Variants in KCTD21 observed in about 807,000 individuals in gnomAD.
KCTD21 encodes BTB/POZ domain-containing protein KCTD21.
Under a neutral mutation model 13.2 loss-of-function variants are expected in KCTD21, and 9 were observed. The observed-to-expected ratio is 0.68, with a 90% CI of 0.41 to 1.19. KCTD21 has a LOEUF of 1.19. Ranked by LOEUF, KCTD21 falls within the 50% of genes most tolerant of loss-of-function variation. The probability of loss-of-function intolerance (pLI) is 0.01; values close to 1 mark genes in which losing one functional copy is unlikely to be tolerated. For missense variants in KCTD21, 303 were observed against 336.5 expected, an observed-to-expected ratio of 0.90 and a Z score of 0.78; for synonymous variants, 142 against 137.4, an observed-to-expected ratio of 1.03 and a Z score of -0.23.
intron 1 of KCTD21, among the ~76,000 whole-genome samples, chr11:78,179,205 CTT>C (rs35532425): frequency 6.9e-6 from 1 of 144,776 alleles, no homozygotes; most frequent in Non-Finnish European, 1.5e-5. Flanking sequence ...TTTATTTTTA[CTT>C]TTTTTTTTTT....
chr11:78,172,208 G>C lies in KCTD21; in HGVS notation c.*1564C>G, dbSNP rs1318153479. The C allele has an allele frequency of 6.6e-6, 1 of 152,356 alleles. No individual in the cohort carries two copies. Among genetic ancestry groups the C allele is most frequent in the East Asian group, 1.9e-4 (1 of 5,206 alleles). 9.4% of individuals were successfully genotyped at this position (152,356 alleles called of 1,614,324 possible). On this transcript the variant is annotated 3_prime_UTR_variant, in exon 2 of 2. Transcript: ENST00000340067. ...GGCTCATCACCCGGTGGGAAGCAGT[G>C]CTTGGGTTGCTTGCCCTGGATGGCA...
chr11:78,187,087 A>C, intron 1 of KCTD21: 1 of 985,444 alleles, frequency 1.0e-6, no homozygotes, highest in Non-Finnish European at 1.2e-6. Context: ...TTGGGAGTAA[A>C]TGCAAGGAGA....
rs1862353185 is a variant in KCTD21, at chr11:78,173,731, G to A, written c.*41C>T. The A allele has an allele frequency of 3.9e-6, 6 of 1,548,122 alleles. No homozygotes were observed. The highest frequency in any genetic ancestry group is 1.2e-5 in the South Asian group (1 of 82,920). On this transcript the variant is annotated 3_prime_UTR_variant, in exon 2 of 2. Coordinates refer to ENST00000340067, the MANE Select transcript of KCTD21 (RefSeq NM_001029859.3). ...GCCCTCCAAGACCTGGCTGACATGA[G>A]CTTCCTGGGACTCCCCATCTCCAGT...
intron 1 of KCTD21, among the ~76,000 whole-genome samples, chr11:78,186,371 CAAAAAAAAAAAAAAAAAAA>C (rs57748403): frequency 0.02 from 911 of 45,842 alleles, 21 homozygotes; most frequent in Middle Eastern, 0.1. Flanking sequence ...GACCCTGTCT[CAAAAAAAAAAAAAAAAAAA>C]AAAAAAAAAA....
chr11:78,183,450 C>T (rs1228046371), intron 1 of KCTD21, among the ~76,000 whole-genome samples: 4 of 151,212 alleles, frequency 2.6e-5, no homozygotes, highest in Non-Finnish European at 4.4e-5. Context: ...GCAGGAGAAT[C>T]GCTTGAATCT....
chr11:78,187,025 T>C, intron 1 of KCTD21: 2 of 985,446 alleles, frequency 2.0e-6, no homozygotes, highest in Non-Finnish European at 2.4e-6. Context: ...AAATGCTCTG[T>C]TCAATTTTCA....
intron 1 of KCTD21, among the ~76,000 whole-genome samples, chr11:78,184,642 A>G (rs1862720883): frequency 6.6e-6 from 1 of 152,182 alleles, no homozygotes; most frequent in African/African-American, 2.4e-5. Flanking sequence ...AAGGGGCTCT[A>G]TTTAGATTAA....
chr11:78,184,977 A>G lies in KCTD21; in HGVS notation c.-30+3596T>C, dbSNP rs1339133233. On this transcript the variant is annotated intron_variant, in intron 1 of 1. Coordinates refer to ENST00000340067, the MANE Select transcript of KCTD21 (RefSeq NM_001029859.3). ...GGCCTTGAACTCCTGGGCTCAAGCA[A>G]TCTGTCTGCCTTTGCTTCCCAAAGT... 2.0e-5 allele frequency among the ~76,000 whole-genome samples: 3 copies of G among 152,154 alleles called. No homozygotes were observed. The East Asian group carries it at 5.8e-4, about 29-fold the overall frequency.
In KCTD21 at chr11:78,173,658, A is replaced by G; in HGVS notation, c.*114T>C. On this transcript the variant is annotated 3_prime_UTR_variant, in exon 2 of 2. Transcript: ENST00000340067. ...TGGGGGGAATCAAGTCCTGCTACAC[A>G]ATTAATACAGATTAGTATAGTCCCC... The G allele has an allele frequency of 1.1e-6, 1 of 870,440 alleles. No individual in the cohort carries two copies. The highest frequency in any genetic ancestry group is 2.3e-5 in the Admixed American group (1 of 43,784). 53.9% of individuals were successfully genotyped at this position (870,440 alleles called of 1,614,324 possible).
chr11:78,187,064 C>T, intron 1 of KCTD21: 1 of 985,404 alleles, frequency 1.0e-6, no homozygotes, highest in East Asian at 1.1e-4. Flanking sequence ...TGTGACAAGG[C>T]CGAGGTGATT....
intron 1 of KCTD21, among the ~76,000 whole-genome samples, chr11:78,185,820 G>A (rs1432436738): frequency 1.3e-5 from 2 of 151,982 alleles, no homozygotes. Context: ...TCAAGCTCCT[G>A]ACCTCAAATG....
intron 1 of KCTD21, among the ~76,000 whole-genome samples, chr11:78,179,061 C>T (rs505593): frequency 0.16 from 24,143 of 152,088 alleles, 2,049 homozygotes; most frequent in African/African-American, 0.2. Context: ...AATGGGGTAC[C>T]TAAAGCCCAG....
intron 1 of KCTD21, chr11:78,177,881 G>C (rs1862499967): frequency 6.6e-6 from 1 of 152,382 alleles, no homozygotes; most frequent in African/African-American, 2.4e-5. Flanking sequence ...GGCATTCCCT[G>C]GGACCCCTGG....
At position 78,173,700 on chromosome 11, in the gene KCTD21, C is replaced by A; in HGVS notation, c.*72G>T. On this transcript the variant is annotated 3_prime_UTR_variant, in exon 2 of 2. Transcript: ENST00000340067. ...ATAGTCCCCTGCCTCGCACCACTGG[C>A]GAGATGCCCTCCAAGACCTGGCTGA... The A allele has an allele frequency of 7.7e-7, 1 of 1,292,804 alleles. No homozygotes were observed. Among genetic ancestry groups the A allele is most frequent in the Non-Finnish European group, 1.1e-6 (1 of 919,608 alleles). The allele number at this position is 1,292,804 out of a possible 1,614,324, so 80.1% of individuals were successfully genotyped here.
chr11:78,176,017 A>G (rs1862442511), intron 1 of KCTD21, among the ~76,000 whole-genome samples: 1 of 152,110 alleles, frequency 6.6e-6, no homozygotes, highest in Non-Finnish European at 1.5e-5. Context: ...GTCTTTACTG[A>G]GAATGATTAT....
At chr11:78,186,246 C>T (rs1438064519) in intron 1 of KCTD21, among the ~76,000 whole-genome samples, 2 of 150,880 alleles carry the variant, frequency 1.3e-5, no homozygotes, top group South Asian at 2.1e-4. Flanking sequence ...CATGGTAACA[C>T]GTGCTTGCAG....
intron 1 of KCTD21, chr11:78,188,338 C>T: frequency 1.0e-6 from 1 of 985,256 alleles, no homozygotes; most frequent in African/African-American, 1.7e-5. Flanking sequence ...CGACTATCAC[C>T]ATCCGCCCTT....
chr11:78,188,462 G>A, intron 1 of KCTD21, 111 bp downstream of exon 1: 1 of 985,404 alleles, frequency 1.0e-6, no homozygotes, highest in Non-Finnish European at 1.2e-6. Flanking sequence ...TCACAGATGG[G>A]AATGGCGAGG....
chr11:78,187,005 T>C, intron 1 of KCTD21: 1 of 985,474 alleles, frequency 1.0e-6, no homozygotes, highest in Non-Finnish European at 1.2e-6. Context: ...TTCAAAACTT[T>C]TTAATTTTGA....
Sources: gnomAD v4.1 joint callset for allele counts (sites outside exome capture counted in the v4.1 genomes callset) on GRCh38, gnomAD v4.1.1 for gene constraint, MANE v1.5 for transcripts, NCBI Gene and HGNC (gene_info 2026-07-23, HGNC 2026-07-21) for gene names.